The following DNAAF4 variants were observed in gnomAD, a reference collection of about 807,000 sequenced individuals.
DNAAF4 encodes the protein dynein assembly factor 4, axonemal.
A neutral mutation model predicts 51.8 loss-of-function variants in DNAAF4; 43 were observed. The ratio of observed to expected loss-of-function variants is 0.83; its 90% CI spans 0.65 to 1.07. The LOEUF is 1.07. Ranked by LOEUF, DNAAF4 falls within the 50% of genes least tolerant of loss-of-function variation. DNAAF4 has a pLI of 0.00. For missense variants in DNAAF4, 581 were observed against 493.0 expected (o/e 1.18, Z -1.69); for synonymous variants, 194 against 165.6 (o/e 1.17, Z -1.32).
At chr15:55,500,459 T>A (rs974937801) in intron 1 of DNAAF4, among the ~76,000 whole-genome samples, 2 of 152,320 alleles carry the variant, frequency 1.3e-5, no homozygotes, top group Admixed American at 1.3e-4. Flanking sequence ...AAAGACAGGG[T>A]TTATGCATTT....
chr15:55,475,316 T>C (rs541500272), intron 4 of DNAAF4, among the ~76,000 whole-genome samples: 1 of 152,224 alleles, frequency 6.6e-6, no homozygotes, highest in South Asian at 2.1e-4. Context: ...AAAACAACCA[T>C]TTCAGGGGAC....
chr15:55,459,817 C>T (rs1333944459), intron 5 of DNAAF4, among the ~76,000 whole-genome samples: 4 of 151,856 alleles, frequency 2.6e-5, no homozygotes, highest in Admixed American at 1.3e-4. Context: ...GATTCTCCTG[C>T]CTTAGCTTTC....
intron 4 of DNAAF4, among the ~76,000 whole-genome samples, chr15:55,481,525 T>C (rs1567027474): frequency 6.6e-6 from 1 of 152,324 alleles, no homozygotes; most frequent in East Asian, 1.9e-4. Flanking sequence ...GCAGCAGGGC[T>C]TCTAGCCAGT....
At chr15:55,427,708 T>C (rs902921884), downstream of DNAAF4, among the ~76,000 whole-genome samples, 1 of 151,702 alleles carries the variant, frequency 6.6e-6, no homozygotes, top group Non-Finnish European at 1.5e-5. Context: ...CCACCTCAGC[T>C]CACCGCAACC....
chr15:55,496,208 G>A lies in DNAAF4; in HGVS notation c.271+1504C>T, dbSNP rs183643550. Among the ~76,000 whole-genome samples the A allele has an allele frequency of 1.2e-3, 184 of 152,310 alleles. 1 individual carries two copies. The highest frequency in any genetic ancestry group is 4.3e-3 in the African/African-American group (177 of 41,564). On this transcript the variant is annotated intron_variant, in intron 3 of 9. Coordinates refer to ENST00000321149, the MANE Select transcript of DNAAF4 (RefSeq NM_130810.4). ...ATCGCATCACTGCACTCCAGCCTGG[G>A]TGACTGAGCGAGACTCTGTCTTTCC... is the stretch of plus-strand genomic sequence containing the variant.
intron 4 of DNAAF4, among the ~76,000 whole-genome samples, chr15:55,470,821 C>T (rs1308144259): frequency 7.2e-6 from 1 of 138,684 alleles, no homozygotes; most frequent in African/African-American, 2.7e-5. Flanking sequence ...CTGGGATTTA[C>T]AGACATGAGC....
At chr15:55,448,209 A>G (rs2057869165) in intron 6 of DNAAF4, among the ~76,000 whole-genome samples, 1 of 152,090 alleles carries the variant, frequency 6.6e-6, no homozygotes, top group African/African-American at 2.4e-5. Flanking sequence ...ATGCTGGATT[A>G]CGTTTACTGA....
chr15:55,432,442 G>T, intron 9 of DNAAF4, 55 bp downstream of exon 9: 1 of 1,391,094 alleles, frequency 7.2e-7, no homozygotes, highest in Non-Finnish European at 1.0e-6. Context: ...TAATTCCAAT[G>T]ACATTTTTTT....
At position 55,497,995 on chromosome 15, in the gene DNAAF4, G is replaced by C. The variant is rs1405945339; in HGVS notation, c.124-136C>G. ...TGCCAGGTAGTGAAAGATTAGCAAG[G>C]CATATGAGGAAGCCCTGGATAAAAG... On this transcript the variant is annotated intron_variant, in intron 2 of 9. Transcript: ENST00000321149. The C allele has an allele frequency of 6.0e-6, 8 of 1,327,742 alleles. No homozygotes were observed. The Admixed American group carries it at 2.1e-4, about 35-fold the overall frequency. 82.2% of individuals were successfully genotyped at this position (1,327,742 alleles called of 1,614,324 possible). A position where few individuals can be genotyped will look rare whatever the true frequency, so the allele number is the denominator to read the frequency against.
At chr15:55,484,063 T>A (rs1290748884) in intron 4 of DNAAF4, among the ~76,000 whole-genome samples, 1 of 151,926 alleles carries the variant, frequency 6.6e-6, no homozygotes, top group Non-Finnish European at 1.5e-5. Context: ...CCCATTAGGA[T>A]GGCTACTCTC....
rs77821830 is a variant in DNAAF4 at position 55,439,422 on chromosome 15, T to G, written c.893+50A>C. 2.0e-5 allele frequency: 29 copies of G among 1,478,640 alleles called. No individual in the cohort carries two copies. The East Asian group carries it at 6.6e-4, about 34-fold the overall frequency. 91.6% of individuals were successfully genotyped at this position (1,478,640 alleles called of 1,614,324 possible). ...ACCATACTCGTCCTATGATAACTGC[T>G]AATGTCTTCATACATGATAAAGCTC... On this transcript the variant is annotated intron_variant, in intron 7 of 9. Transcript: ENST00000321149.
chr15:55,485,289 G>A (rs1308043160), intron 4 of DNAAF4, among the ~76,000 whole-genome samples: 1 of 152,066 alleles, frequency 6.6e-6, no homozygotes, highest in East Asian at 1.9e-4. Context: ...AAAGATGGGA[G>A]GATTTTTTAA....
chr15:55,489,340 G>T (rs2058537280), intron 4 of DNAAF4, among the ~76,000 whole-genome samples: 1 of 152,066 alleles, frequency 6.6e-6, no homozygotes, highest in Non-Finnish European at 1.5e-5. Flanking sequence ...CTAAAGGCAG[G>T]AATCTTTGAC....
chr15:55,444,837 GCT>G (rs1473148853), intron 6 of DNAAF4, among the ~76,000 whole-genome samples: 2 of 151,948 alleles, frequency 1.3e-5, no homozygotes, highest in African/African-American at 2.4e-5. Context: ...TCATGATTCG[GCT>G]CTCTGTTTGT....
At chr15:55,498,037 T>G (rs1595960109) in intron 2 of DNAAF4, among the ~76,000 whole-genome samples, 170 bp downstream of exon 2, 2 of 152,222 alleles carry the variant, frequency 1.3e-5, no homozygotes, top group Non-Finnish European at 2.9e-5. Flanking sequence ...CTGATCTGAT[T>G]ATCTGTCTAC....
chr15:55,443,346 G>T (rs2057745032), intron 6 of DNAAF4: 1 of 869,850 alleles, frequency 1.1e-6, no homozygotes, highest in Non-Finnish European at 1.8e-6. Context: ...GCCTGGCGCA[G>T]CTCCTCAGCA....
chr15:55,494,333 G>C (rs1390049378), intron 3 of DNAAF4, among the ~76,000 whole-genome samples: 1 of 151,786 alleles, frequency 6.6e-6, no homozygotes, highest in Non-Finnish European at 1.5e-5. Context: ...CCGGCAAACT[G>C]AGTTTGATTT....
intron 7 of DNAAF4, among the ~76,000 whole-genome samples, chr15:55,424,276 A>G (rs1359772017): frequency 6.6e-6 from 1 of 152,176 alleles, no homozygotes; most frequent in Non-Finnish European, 1.5e-5. Context: ...CCATGTTATC[A>G]TATAGCAAGA....
intron 9 of DNAAF4, among the ~76,000 whole-genome samples, chr15:55,431,576 G>A (rs781776954): frequency 3.3e-4 from 50 of 150,268 alleles, no homozygotes; most frequent in Non-Finnish European, 6.5e-4. Flanking sequence ...CCGGGTTCAC[G>A]CCATTCTCTG....
Sources: allele counts gnomAD v4.1 joint callset (sites outside exome capture counted in the v4.1 genomes callset), GRCh38; gene constraint gnomAD v4.1.1; transcripts MANE v1.5; gene names NCBI Gene and HGNC (gene_info 2026-07-23, HGNC 2026-07-21).